Variants in AFAP1 observed in about 807,000 individuals in gnomAD.
AFAP1 encodes the protein actin filament associated protein 1.
AFAP1 carries 75 observed loss-of-function variants against 93.9 expected under a neutral mutation model. That is an observed-to-expected ratio of 0.80 (90% CI 0.66 to 0.97). The LOEUF is 0.97. Ranked by LOEUF, AFAP1 falls within the 50% of genes least tolerant of loss-of-function variation. The pLI is 0.00. For missense variants in AFAP1, 1,201 were observed against 1,050.8 expected (o/e 1.14, Z -1.98); for synonymous variants, 517 against 430.7 (o/e 1.20, Z -2.48).
At chr4:7,849,451 G>A (rs1714184411) in intron 4 of AFAP1, among the ~76,000 whole-genome samples, 1 of 152,190 alleles carries the variant, frequency 6.6e-6, no homozygotes, top group Non-Finnish European at 1.5e-5. Context: ...TGTTTATTGA[G>A]CACATATTAC....
intron 6 of AFAP1, among the ~76,000 whole-genome samples, chr4:7,834,621 A>C (rs1431055579): frequency 6.6e-6 from 1 of 152,266 alleles, no homozygotes; most frequent in Non-Finnish European, 1.5e-5. Flanking sequence ...AAAATCCAGA[A>C]GAAGATGGAA....
intron 16 of AFAP1, chr4:7,772,392 T>G (rs1715561611): frequency 6.4e-6 from 1 of 156,316 alleles, no homozygotes; most frequent in Admixed American, 6.4e-5. Context: ...CCCACTTTGT[T>G]CTGTTTGATT....
At chr4:7,914,188 G>T (rs1401984590) in intron 1 of AFAP1, among the ~76,000 whole-genome samples, 1 of 151,898 alleles carries the variant, frequency 6.6e-6, no homozygotes, top group East Asian at 1.9e-4. Flanking sequence ...CCTGGTAGCT[G>T]GGGTTACAGG....
chr4:7,870,667 A>AC (rs1296957250), intron 2 of AFAP1, among the ~76,000 whole-genome samples: 1 of 152,148 alleles, frequency 6.6e-6, no homozygotes, highest in Non-Finnish European at 1.5e-5. Flanking sequence ...AAAGAAAAAA[A>AC]AAAGTTAATA....
chr4:7,826,166 T>C (rs1251995817), intron 6 of AFAP1, among the ~76,000 whole-genome samples: 2 of 152,232 alleles, frequency 1.3e-5, no homozygotes, highest in Non-Finnish European at 2.9e-5. Context: ...CTGTGTGGGC[T>C]GGCATACCTG....
intron 1 of AFAP1, among the ~76,000 whole-genome samples, chr4:7,915,644 C>T (rs549531401): frequency 6.6e-6 from 1 of 152,282 alleles, no homozygotes; most frequent in South Asian, 2.1e-4. Flanking sequence ...TGGGAAGGTC[C>T]CTTAACCACT....
intron 9 of AFAP1, among the ~76,000 whole-genome samples, chr4:7,806,089 A>C (rs1401240349): frequency 6.6e-6 from 1 of 152,220 alleles, no homozygotes; most frequent in Non-Finnish European, 1.5e-5. Flanking sequence ...TAAGCCCAGG[A>C]GAAGGGCAAA....
intron 14 of AFAP1, chr4:7,775,613 T>A (rs889823252): frequency 1.3e-5 from 2 of 152,162 alleles, no homozygotes; most frequent in Non-Finnish European, 2.9e-5. Flanking sequence ...CAATAAATGC[T>A]TGTTTAGTGA....
chr4:7,867,804 C>G (rs1265056023), intron 3 of AFAP1, among the ~76,000 whole-genome samples: 3 of 152,020 alleles, frequency 2.0e-5, no homozygotes, highest in African/African-American at 7.3e-5. Context: ...GTGCCCACTG[C>G]AGTGAGAAGC....
rs542648936 is a variant in AFAP1, at chr4:7,930,568, G to C, written c.-3+9088C>G. Among the ~76,000 whole-genome samples the C allele has an allele frequency of 3.9e-5, 6 of 152,190 alleles. No homozygotes were observed. The South Asian group carries it at 1.2e-3, about 32-fold the overall frequency. On this transcript the variant is annotated intron_variant, in intron 1 of 17. Coordinates refer to ENST00000420658, the MANE Select transcript of AFAP1 (RefSeq NM_001134647.2). ...CCTGTCATCTCATTATCATACAAAA[G>C]ACACTCCTATCACTCCAGAGATTCC...
chr4:7,939,516 G>A lies in AFAP1; in HGVS notation c.-3+140C>T. On this transcript the variant is annotated intron_variant, in intron 1 of 17. Transcript: ENST00000420658. This position sits in a 1 kb window ranked among gnomAD's most constrained non-coding sequence, Gnocchi z 5.6. ...CACGCGGCGTCGCAGCAGGCGCGGA[G>A]CCCCCGGTACCACCCGAGGCCGAGA... is the stretch of plus-strand genomic sequence containing the variant. 1 of 341,098 alleles carries A rather than the reference G, an allele frequency of 2.9e-6. No individual in the cohort carries two copies. Among genetic ancestry groups the A allele is most frequent in the Non-Finnish European group, 5.7e-6 (1 of 174,974 alleles). The allele number at this position is 341,098 out of a possible 1,614,324, so 21.1% of individuals were successfully genotyped here.
intron 6 of AFAP1, among the ~76,000 whole-genome samples, chr4:7,827,921 A>G (rs557067331): frequency 6.6e-6 from 1 of 152,334 alleles, no homozygotes; most frequent in South Asian, 2.1e-4. Flanking sequence ...GATTCGCTGT[A>G]TAAAAAAAGG....
At chr4:7,893,407 C>T (rs367641203) in intron 1 of AFAP1, among the ~76,000 whole-genome samples, 10 of 152,018 alleles carry the variant, frequency 6.6e-5, no homozygotes, top group Middle Eastern at 3.4e-3. Context: ...GGTGAAACCC[C>T]GTCTCTACTA....
At chr4:7,805,426 T>C (rs1719418773) in intron 9 of AFAP1, among the ~76,000 whole-genome samples, 4 of 152,166 alleles carry the variant, frequency 2.6e-5, no homozygotes, top group Admixed American at 2.6e-4. Flanking sequence ...TTTACTTGTC[T>C]GACGTTGCAT....
intron 9 of AFAP1, 125 bp downstream of exon 9, chr4:7,809,489 T>C: frequency 8.6e-7 from 1 of 1,165,812 alleles, no homozygotes; most frequent in Non-Finnish European, 1.2e-6. Context: ...TCTGAATGAT[T>C]CCAAGTCCAA....
intron 10 of AFAP1, chr4:7,798,830 C>T (rs2149026805): frequency 1.0e-6 from 1 of 960,316 alleles, no homozygotes; most frequent in South Asian, 4.6e-5. Flanking sequence ...TTCCACCCAC[C>T]CCCACCGCAC....
intron 1 of AFAP1, among the ~76,000 whole-genome samples, chr4:7,902,754 G>A (rs1719187097): frequency 6.6e-6 from 1 of 152,194 alleles, no homozygotes; most frequent in African/African-American, 2.4e-5. Flanking sequence ...AAGGCAGGGA[G>A]TGCAGTGAGA....
chr4:7,885,736 C>A (rs34685551), intron 1 of AFAP1, among the ~76,000 whole-genome samples: 65,150 of 152,168 alleles, frequency 0.43, 16,604 homozygotes, highest in Non-Finnish European at 0.6. Context: ...GATGCCATGG[C>A]TTGTCCTCTC....
At position 7,810,759 on chromosome 4, in the gene AFAP1, G is replaced by A. The variant is rs150637817; in HGVS notation, c.905-996C>T. On this transcript the variant is annotated intron_variant, in intron 8 of 17. Coordinates refer to ENST00000420658, the MANE Select transcript of AFAP1 (RefSeq NM_001134647.2). ...GACCCGCATGTGGGCAAGCAACAGCGGCAGGACCACAGAAGCAGTCTCCAT... is the reference window on the plus strand; with the variant it reads ...GACCCGCATGTGGGCAAGCAACAGCAGCAGGACCACAGAAGCAGTCTCCAT... Among the ~76,000 whole-genome samples, 522 of 152,346 alleles carry A rather than the reference G, an allele frequency of 3.4e-3. 3 individuals are homozygous for A. Among genetic ancestry groups the A allele is most frequent in the African/African-American group, 0.012 (492 of 41,574 alleles).
Sources: gnomAD v4.1 joint callset for allele counts (sites outside exome capture counted in the v4.1 genomes callset) on GRCh38, gnomAD v4.1.1 for gene constraint, Gnocchi (gnomAD v3.1) non-coding constraint, MANE v1.5 for transcripts, NCBI Gene and HGNC (gene_info 2026-07-23, HGNC 2026-07-21) for gene names.